Variants in CMTM4 observed in about 807,000 individuals in gnomAD.
CMTM4 encodes the protein CKLF-like MARVEL transmembrane domain-containing protein 4.
Under a neutral mutation model 19.0 loss-of-function variants are expected in CMTM4, and 8 were observed. That is an observed-to-expected ratio of 0.42 (90% CI 0.25 to 0.76). The LOEUF (loss-of-function observed/expected upper bound fraction) is 0.76, where lower values mean the gene tolerates loss of function less well. Ranked by LOEUF, CMTM4 falls within the 30% of genes least tolerant of loss-of-function variation. CMTM4 has a pLI of 0.27. For synonymous variants in CMTM4, 106 were observed against 121.1 expected (o/e 0.88, Z 0.82); for missense variants, 228 against 290.2 (o/e 0.79, Z 1.56).
intron 1 of CMTM4, among the ~76,000 whole-genome samples, chr16:66,684,207 C>CT (rs2144912290): frequency 6.6e-6 from 1 of 152,232 alleles, no homozygotes; most frequent in Non-Finnish European, 1.5e-5. Flanking sequence ...GAATCTCCCT[C>CT]TGTCGCCCAG....
chr16:66,676,587 T>C (rs1478192138), intron 1 of CMTM4, among the ~76,000 whole-genome samples: 1 of 152,192 alleles, frequency 6.6e-6, no homozygotes. Flanking sequence ...CACGATCCCT[T>C]AGAGTCTAAA....
At chr16:66,625,622 A>G (rs2015723456) in intron 2 of CMTM4, among the ~76,000 whole-genome samples, 1 of 152,192 alleles carries the variant, frequency 6.6e-6, no homozygotes, top group South Asian at 2.1e-4. Context: ...AAGATAAAAA[A>G]TAATCTTTCA....
chr16:66,646,681 C>T (rs994220945), intron 1 of CMTM4, among the ~76,000 whole-genome samples: 1 of 151,024 alleles, frequency 6.6e-6, no homozygotes, highest in African/African-American at 2.4e-5. Context: ...AGAACCAATC[C>T]TTACTTGTTT....
At chr16:66,603,593 T>C in the CMTM4 span, among the ~76,000 whole-genome samples, 2 of 152,144 alleles carry the variant, frequency 1.3e-5, no homozygotes, top group Non-Finnish European at 2.9e-5. Flanking sequence ...GACCTTCTAT[T>C]TTTTATTAAA....
chr16:66,622,314 G>C lies in CMTM4; in HGVS notation c.463-92C>G. The C allele has an allele frequency of 1.2e-5, 17 of 1,375,966 alleles. No individual in the cohort carries two copies. Among genetic ancestry groups the C allele is most frequent in the Non-Finnish European group, 1.7e-5 (17 of 1,000,884 alleles). The allele number at this position is 1,375,966 out of a possible 1,614,324, so 85.2% of individuals were successfully genotyped here. On this transcript the variant is annotated intron_variant, in intron 3 of 3. Transcript: ENST00000394106. This position sits in a 1 kb window ranked among gnomAD's most constrained non-coding sequence, Gnocchi z 4.0. ...CCCAAGCCACATGCAGCCCCTTCCT[G>C]CTCTGCCAGCTGATCATTACAACCC... is the stretch of plus-strand genomic sequence containing the variant.
At chr16:66,604,892 C>T in the CMTM4 span, 17 of 1,444,336 alleles carry the variant, frequency 1.2e-5, no homozygotes, top group African/African-American at 1.5e-5. Context: ...GGCTCCGCGC[C>T]CTGCTGCCGG....
At chr16:66,600,301 A>T in the CMTM4 span, among the ~76,000 whole-genome samples, 2 of 150,900 alleles carry the variant, frequency 1.3e-5, no homozygotes, top group Admixed American at 6.6e-5. Flanking sequence ...ACACCACCAC[A>T]CCCGGCTAAT....
intron 1 of CMTM4, among the ~76,000 whole-genome samples, chr16:66,690,392 T>C (rs2017113245): frequency 6.6e-6 from 1 of 152,176 alleles, no homozygotes; most frequent in Admixed American, 6.6e-5. Flanking sequence ...CCAACAGAAC[T>C]GAGGGGATTT....
At chr16:66,668,363 G>T (rs2016642858) in intron 1 of CMTM4, among the ~76,000 whole-genome samples, 1 of 152,024 alleles carries the variant, frequency 6.6e-6, no homozygotes, top group African/African-American at 2.4e-5. Context: ...TTCTGCTTAT[G>T]GCCATTCTGA....
chr16:66,625,327 G>A (rs1473881214), intron 2 of CMTM4, among the ~76,000 whole-genome samples: 1 of 151,980 alleles, frequency 6.6e-6, no homozygotes, highest in Non-Finnish European at 1.5e-5. Flanking sequence ...CCAGCTACTC[G>A]GGAGGCTGAG....
intron 1 of CMTM4, among the ~76,000 whole-genome samples, chr16:66,678,685 T>A (rs1193127486): frequency 6.6e-6 from 1 of 152,246 alleles, no homozygotes; most frequent in Non-Finnish European, 1.5e-5. Flanking sequence ...GAAATTGATT[T>A]CATGGAACAT....
chr16:66,636,630 T>A (rs896271679), intron 1 of CMTM4, 49 bp from the exon 2 acceptor site: 10 of 1,464,412 alleles, frequency 6.8e-6, no homozygotes, highest in Admixed American at 5.1e-5. Flanking sequence ...TTAGTATACA[T>A]CTGCGGACAT....
In CMTM4 at chr16:66,696,336, C is replaced by G; in HGVS notation, c.186+4G>C. ...GGGCACCTGGGGCCCCGCCCGGCAC[C>G]TACCACTTGGGCGACCTTGAGGCGG... On this transcript the variant is annotated splice_donor_region_variant and intron_variant, in intron 1 of 3. Transcript: ENST00000394106. The surrounding 1 kb of genome is among the most constrained non-coding windows in gnomAD (Gnocchi z 4.3). The G allele has an allele frequency of 7.2e-7, 1 of 1,397,732 alleles. No homozygotes were observed. Among genetic ancestry groups the G allele is most frequent in the Non-Finnish European group, 9.3e-7 (1 of 1,076,490 alleles). The allele number at this position is 1,397,732 out of a possible 1,614,324, so 86.6% of individuals were successfully genotyped here.
chr16:66,624,260 T>C (rs890100116), intron 2 of CMTM4, among the ~76,000 whole-genome samples: 2 of 152,240 alleles, frequency 1.3e-5, no homozygotes, highest in Admixed American at 6.5e-5. Flanking sequence ...GGCCCACAGC[T>C]ACAGTGGCCT....
At chr16:66,606,733 C>T in the CMTM4 span, among the ~76,000 whole-genome samples, 1 of 152,214 alleles carries the variant, frequency 6.6e-6, no homozygotes, top group African/African-American at 2.4e-5. Flanking sequence ...TGGCTCATGC[C>T]TGTAATCCCA....
Position 66,637,414 on chromosome 16 carries a change from C to T in CMTM4, c.187-833G>A, listed in dbSNP as rs988036280. ...ACAAAATCAGCCGGGTGTGGTGGCG[C>T]ATGCTTGTAATCCCAGCTACTCAGG... On this transcript the variant is annotated intron_variant, in intron 1 of 3. Coordinates refer to ENST00000394106, the MANE Select transcript of CMTM4 (RefSeq NM_181521.3). 3.9e-5 allele frequency among the ~76,000 whole-genome samples: 6 copies of T among 152,014 alleles called. No homozygotes were observed. The South Asian group carries it at 6.2e-4, about 16-fold the overall frequency.
At chr16:66,638,919 C>CAA (rs61482726) in intron 1 of CMTM4, among the ~76,000 whole-genome samples, 84 of 139,504 alleles carry the variant, frequency 6.0e-4, no homozygotes, top group Middle Eastern at 3.7e-3. Flanking sequence ...GTTCTCACCA[C>CAA]AAAAAAAAAA....
chr16:66,608,550 C>T, the CMTM4 span: 36 of 1,381,248 alleles, frequency 2.6e-5, no homozygotes, highest in Non-Finnish European at 3.5e-5. This position sits in a 1 kb window ranked among gnomAD's most constrained non-coding sequence, Gnocchi z 5.1. Flanking sequence ...GGGCCCTTAT[C>T]CTTTCTCTAG....
Position 66,617,360 on chromosome 16 carries a change from T to C in CMTM4, c.*4698A>G. On this transcript the variant is annotated 3_prime_UTR_variant, in exon 4 of 4. Coordinates refer to ENST00000394106, the MANE Select transcript of CMTM4 (RefSeq NM_181521.3). ...GTTACGTTTGTGGAGTAGGAAAAAC[T>C]AGAAAGGAAAAAAAAATCCCAAAGG... 6.2e-7 allele frequency: 1 copy of C among 1,611,178 alleles called. No individual in the cohort carries two copies. Among genetic ancestry groups the C allele is most frequent in the Non-Finnish European group, 8.5e-7 (1 of 1,179,110 alleles).
Sources: gnomAD v4.1 joint callset for allele counts (sites outside exome capture counted in the v4.1 genomes callset) on GRCh38, gnomAD v4.1.1 for gene constraint, Gnocchi (gnomAD v3.1) non-coding constraint, MANE v1.5 for transcripts, NCBI Gene and HGNC (gene_info 2026-07-23, HGNC 2026-07-21) for gene names.